Variants in CDK2AP1 observed in about 807,000 individuals in gnomAD.
The protein encoded by CDK2AP1 is cyclin-dependent kinase 2-associated protein 1.
A neutral mutation model predicts 14.1 loss-of-function variants in CDK2AP1; 10 were observed. That is an observed-to-expected ratio of 0.71 (90% CI 0.44 to 1.20). The LOEUF is 1.20. CDK2AP1 is among the 50% of genes most tolerant of loss of function. The pLI is 0.00. For missense variants in CDK2AP1, 102 were observed against 149.9 expected (o/e 0.68, Z 1.67); for synonymous variants, 59 against 59.8 (o/e 0.99, Z 0.06).
chr12:123,271,024 C>T (rs2048348892), intron 1 of CDK2AP1: 2 of 928,518 alleles, frequency 2.2e-6, no homozygotes, highest in Non-Finnish European at 2.5e-6. Flanking sequence ...GACCTCAGGG[C>T]CCCCGGCAGC....
At chr12:123,266,368 C>A (rs377491947) in intron 2 of CDK2AP1, among the ~76,000 whole-genome samples, 1 of 152,260 alleles carries the variant, frequency 6.6e-6, no homozygotes, top group Non-Finnish European at 1.5e-5. Context: ...CAGCCGGTCC[C>A]GCTCACAGGC....
At chr12:123,270,874 A>C (rs1430674352) in intron 1 of CDK2AP1, 2 of 984,222 alleles carry the variant, frequency 2.0e-6, no homozygotes, top group African/African-American at 3.5e-5. Context: ...AACTTCGTTC[A>C]CTCCGCGCTC....
At chr12:123,263,236 A>T (rs7312955) in intron 3 of CDK2AP1, among the ~76,000 whole-genome samples, 7 of 149,392 alleles carry the variant, frequency 4.7e-5, no homozygotes, top group Admixed American at 4.0e-4. Flanking sequence ...ACAAAAAAAA[A>T]CCACTATTCT....
chr12:123,266,120 ACACGC>A (rs1422163241), intron 2 of CDK2AP1, among the ~76,000 whole-genome samples: 1 of 152,046 alleles, frequency 6.6e-6, no homozygotes, highest in Non-Finnish European at 1.5e-5. Context: ...CCTCCCATAG[ACACGC>A]CAGCTCCCTG....
At chr12:123,268,651 A>AGCCTCAGTTTCCAC (rs1445403491) in intron 1 of CDK2AP1, among the ~76,000 whole-genome samples, 1 of 152,202 alleles carries the variant, frequency 6.6e-6, no homozygotes, top group Non-Finnish European at 1.5e-5. Context: ...TGCCACTCCG[A>AGCCTCAGTTTCCAC]GCCTCAGTTT....
rs1249960815 is a variant in CDK2AP1, at chr12:123,261,710, G to C, written c.*26C>G. 3.8e-6 allele frequency: 6 copies of C among 1,590,182 alleles called. No homozygotes were observed. Among genetic ancestry groups the C allele is most frequent in the Non-Finnish European group, 5.2e-6 (6 of 1,158,208 alleles). On this transcript the variant is annotated 3_prime_UTR_variant, in exon 4 of 4. Transcript: ENST00000261692. ...TAACTTCTCATCTTGTAAAAAGATG[G>C]AAATCCTTCAAAACCAACAAGGCAG...
chr12:123,268,472 G>C (rs992126613), intron 1 of CDK2AP1, among the ~76,000 whole-genome samples: 3 of 152,258 alleles, frequency 2.0e-5, no homozygotes, highest in African/African-American at 7.2e-5. Flanking sequence ...CCAAAGCAGG[G>C]AGCCAGCTAC....
Position 123,261,178 on chromosome 12 carries a change from CTCTT to C in CDK2AP1, c.*554_*557del, listed in dbSNP as rs1210719020. 1.3e-5 allele frequency: 2 copies of C among 152,508 alleles called. No individual in the cohort carries two copies. Among genetic ancestry groups the C allele is most frequent in the African/African-American group, 4.8e-5 (2 of 41,418 alleles). 9.4% of individuals were successfully genotyped at this position (152,508 alleles called of 1,614,324 possible). A position where few individuals can be genotyped will look rare whatever the true frequency, so the allele number is the denominator to read the frequency against. ...GGTCCTTGTTAGGTTTGGTGGGTTG[CTCTT>C]TCTTCTGTATTTATAACTTGTGCAT... On this transcript the variant is annotated 3_prime_UTR_variant, in exon 4 of 4. Coordinates refer to ENST00000261692, the MANE Select transcript of CDK2AP1 (RefSeq NM_004642.4).
In CDK2AP1 at chr12:123,261,430, G is replaced by A. The variant is rs972429114; in HGVS notation, c.*306C>T. The A allele has an allele frequency of 9.8e-5, 31 of 315,188 alleles. No homozygotes were observed. Among genetic ancestry groups the A allele is most frequent in the African/African-American group, 6.3e-4 (29 of 45,724 alleles). The allele number at this position is 315,188 out of a possible 1,614,324, so 19.5% of individuals were successfully genotyped here. On this transcript the variant is annotated 3_prime_UTR_variant, in exon 4 of 4. Coordinates refer to ENST00000261692, the MANE Select transcript of CDK2AP1 (RefSeq NM_004642.4). ...ATGTATACAAAAGAGAAGATTAAAG[G>A]GAGACAATGGTGTCTTGGAGGCAAA...
chr12:123,263,862 T>C (rs1344742712), intron 3 of CDK2AP1, among the ~76,000 whole-genome samples: 1 of 151,972 alleles, frequency 6.6e-6, no homozygotes, highest in South Asian at 2.1e-4. Context: ...TCCCAGCACT[T>C]TGGGAGGCCA....
At chr12:123,270,570 G>T (rs923579426) in intron 1 of CDK2AP1, among the ~76,000 whole-genome samples, 4 of 151,956 alleles carry the variant, frequency 2.6e-5, no homozygotes, top group African/African-American at 7.3e-5. Flanking sequence ...CAGAGAAGAA[G>T]GGCCCCAGTG....
chr12:123,261,663 T>C lies in CDK2AP1; in HGVS notation c.*73A>G, dbSNP rs894798409. ...AACCATTTTGAAAACAAGGGTTTCA[T>C]CTGAACAGGGGAGATGAACTGTAAC... is the stretch of plus-strand genomic sequence containing the variant. On this transcript the variant is annotated 3_prime_UTR_variant, in exon 4 of 4. Transcript: ENST00000261692. 10 of 1,270,220 alleles carry C rather than the reference T, an allele frequency of 7.9e-6. No homozygotes were observed. In the African/African-American group the frequency reaches 1.3e-4, roughly 17 times the overall value. 78.7% of individuals were successfully genotyped at this position (1,270,220 alleles called of 1,614,324 possible).
chr12:123,271,003 G>C, intron 1 of CDK2AP1: 1 of 981,616 alleles, frequency 1.0e-6, no homozygotes. Flanking sequence ...TCCCAGTCCC[G>C]GCGGCCCCGC....
At chr12:123,268,697 GGAT>G (rs1158843104) in intron 1 of CDK2AP1, among the ~76,000 whole-genome samples, 2 of 152,218 alleles carry the variant, frequency 1.3e-5, no homozygotes, top group African/African-American at 2.4e-5. Context: ...AGACACATGC[GGAT>G]GATGAGACAC....
chr12:123,271,945 G>A (rs2048358360), upstream of CDK2AP1: 1 of 146,714 alleles, frequency 6.8e-6, no homozygotes, highest in Non-Finnish European at 1.5e-5. Flanking sequence ...CGCGCCTCCG[G>A]GTGCGCTCGG....
chr12:123,261,896 G>C (rs987507628), intron 3 of CDK2AP1, 93 bp from the exon 4 acceptor site: 1 of 867,368 alleles, frequency 1.2e-6, no homozygotes, highest in Non-Finnish European at 2.0e-6. Flanking sequence ...TCCTTCCACA[G>C]CCTGTCCACA....
In CDK2AP1 at chr12:123,268,039, G is replaced by A. The variant is rs532391261; in HGVS notation, c.56-757C>T. On this transcript the variant is annotated intron_variant, in intron 1 of 3. Coordinates refer to ENST00000261692, the MANE Select transcript of CDK2AP1 (RefSeq NM_004642.4). ...GACCAAGCAGGGCCCAGCCCAGAAC[G>A]CAGCCTCCTGGATCTGGCAGGGGAG... The A allele has an allele frequency of 1.9e-4, 56 of 299,978 alleles. 1 individual carries two copies. Among genetic ancestry groups the A allele is most frequent in the African/African-American group, 1.0e-3 (45 of 44,370 alleles). 18.6% of individuals were successfully genotyped at this position (299,978 alleles called of 1,614,324 possible).
At chr12:123,263,236 A>G (rs7312955) in intron 3 of CDK2AP1, among the ~76,000 whole-genome samples, 1 of 149,290 alleles carries the variant, frequency 6.7e-6, no homozygotes, top group African/African-American at 2.4e-5. Flanking sequence ...ACAAAAAAAA[A>G]CCACTATTCT....
At chr12:123,268,172 G>C in intron 1 of CDK2AP1, 2 of 984,016 alleles carry the variant, frequency 2.0e-6, no homozygotes, top group Non-Finnish European at 2.4e-6. Context: ...AATTTACCTA[G>C]TCCTCCTCGG....
Sources: gnomAD v4.1 joint callset for allele counts (sites outside exome capture counted in the v4.1 genomes callset) on GRCh38, gnomAD v4.1.1 for gene constraint, MANE v1.5 for transcripts, NCBI Gene and HGNC (gene_info 2026-07-23, HGNC 2026-07-21) for gene names.